Variants in UBE2E2 observed in about 807,000 individuals in gnomAD.
UBE2E2 encodes the protein ubiquitin-conjugating enzyme E2 E2.
Under a neutral mutation model 24.7 loss-of-function variants are expected in UBE2E2, and 6 were observed. The ratio of observed to expected loss-of-function variants is 0.24; its 90% CI spans 0.13 to 0.48. UBE2E2 has a LOEUF of 0.48. Among genes scored for constraint, UBE2E2 ranks in the 20% least tolerant of loss-of-function variants. UBE2E2 has a pLI of 0.99. For missense variants in UBE2E2, 169 were observed against 245.0 expected, an observed-to-expected ratio of 0.69 and a Z score of 2.07; for synonymous variants, 104 against 83.6, an observed-to-expected ratio of 1.24 and a Z score of -1.33.
chr3:23,375,856 T>C (rs989992109), intron 3 of UBE2E2, among the ~76,000 whole-genome samples: 1 of 152,182 alleles, frequency 6.6e-6, no homozygotes, highest in African/African-American at 2.4e-5. Flanking sequence ...TCTTTCCTTC[T>C]GTACTGTAGA....
At chr3:23,365,508 G>A (rs555131058) in intron 3 of UBE2E2, among the ~76,000 whole-genome samples, 39 of 152,154 alleles carry the variant, frequency 2.6e-4, no homozygotes, top group African/African-American at 7.2e-4. Flanking sequence ...GAACACAATC[G>A]CATTCACAAT....
intron 3 of UBE2E2, among the ~76,000 whole-genome samples, chr3:23,434,084 G>T (rs536247169): frequency 6.6e-6 from 1 of 152,170 alleles, no homozygotes; most frequent in South Asian, 2.1e-4. Context: ...GCAGAATACT[G>T]CTGCTATTTG....
chr3:23,485,023 T>G (rs1559398600), intron 3 of UBE2E2, among the ~76,000 whole-genome samples: 1 of 151,734 alleles, frequency 6.6e-6, no homozygotes, highest in Non-Finnish European at 1.5e-5. Flanking sequence ...AGTATTTTAG[T>G]CCTGTGGGAG....
Position 23,400,028 on chromosome 3 carries a change from A to G in UBE2E2, c.228-99580A>G, listed in dbSNP as rs1031373060. Among the ~76,000 whole-genome samples the G allele has an allele frequency of 4.6e-5, 7 of 152,254 alleles. 1 individual carries two copies. The highest frequency in any genetic ancestry group is 6.5e-5 in the Admixed American group (1 of 15,290). On this transcript the variant is annotated intron_variant, in intron 3 of 5. Transcript: ENST00000396703. ...CTTTAGAGCATGAAAAAAGCAAACT[A>G]TCTCTATGTGAACTATTACTACTCC...
intron 2 of UBE2E2, among the ~76,000 whole-genome samples, chr3:23,209,400 A>C (rs1247568704): frequency 6.6e-6 from 1 of 152,150 alleles, no homozygotes; most frequent in Non-Finnish European, 1.5e-5. Context: ...ATGGATCTGG[A>C]AAGTAGGTAT....
chr3:23,203,700 T>A (rs1289121300), intron 1 of UBE2E2, among the ~76,000 whole-genome samples: 1 of 115,552 alleles, frequency 8.7e-6, no homozygotes, highest in Non-Finnish European at 1.7e-5. Flanking sequence ...CCCCCCCTTC[T>A]GCCTCTTCTC....
At chr3:23,468,827 G>A (rs1698975788) in intron 3 of UBE2E2, among the ~76,000 whole-genome samples, 3 of 152,104 alleles carry the variant, frequency 2.0e-5, no homozygotes, top group Admixed American at 6.5e-5. Context: ...TAAATTTAGC[G>A]TGACAAAATC....
chr3:23,570,192 G>A (rs1045628321), intron 5 of UBE2E2, among the ~76,000 whole-genome samples: 2 of 152,156 alleles, frequency 1.3e-5, no homozygotes, highest in Non-Finnish European at 2.9e-5. Context: ...TGCGGGTGAG[G>A]GATAGGTAAT....
chr3:23,216,272 T>C (rs563737063), intron 2 of UBE2E2, among the ~76,000 whole-genome samples: 14 of 152,198 alleles, frequency 9.2e-5, no homozygotes, highest in Non-Finnish European at 1.9e-4. Flanking sequence ...CCAATTCTAT[T>C]GGAGGGATCC....
chr3:23,362,255 C>A (rs939526352), intron 3 of UBE2E2, among the ~76,000 whole-genome samples: 4 of 152,092 alleles, frequency 2.6e-5, no homozygotes, highest in African/African-American at 9.7e-5. Context: ...CAGTGTGGAG[C>A]CAGGAGAACC....
At chr3:23,270,418 T>G (rs1190925105) in intron 3 of UBE2E2, among the ~76,000 whole-genome samples, 8 of 152,262 alleles carry the variant, frequency 5.3e-5, no homozygotes, top group Admixed American at 3.9e-4. Flanking sequence ...CCCACGGGCC[T>G]GGGTTATTCT....
At chr3:23,467,873 C>A (rs1186979243) in intron 3 of UBE2E2, among the ~76,000 whole-genome samples, 2 of 152,264 alleles carry the variant, frequency 1.3e-5, no homozygotes, top group East Asian at 1.9e-4. Flanking sequence ...GGAGGCACAT[C>A]TTCACATGGC....
Position 23,332,674 on chromosome 3 carries a change from GGTGTGTGT to G in UBE2E2, c.227+115400_227+115407del, listed in dbSNP as rs3086989. On this transcript the variant is annotated intron_variant, in intron 3 of 5. Coordinates refer to ENST00000396703, the MANE Select transcript of UBE2E2 (RefSeq NM_152653.4). ...CTTTGAGCTTCCTGGCAGCCAGTGG[GGTGTGTGT>G]GTGTGTGTGTGTGTGTGTGTGTGTG... Among the ~76,000 whole-genome samples, 634 of 108,116 alleles carry G rather than the reference GGTGTGTGT, an allele frequency of 5.9e-3. 6 individuals are homozygous for G. Among genetic ancestry groups the G allele is most frequent in the Admixed American group, 1.0e-2 (91 of 9,136 alleles). 70.9% of individuals were successfully genotyped at this position (108,116 alleles called of 152,430 possible).
At chr3:23,479,671 G>C (rs1252556147) in intron 3 of UBE2E2, among the ~76,000 whole-genome samples, 1 of 152,202 alleles carries the variant, frequency 6.6e-6, no homozygotes, top group African/African-American at 2.4e-5. Flanking sequence ...AAGGTGGAAA[G>C]GAGCTTCACT....
intron 3 of UBE2E2, among the ~76,000 whole-genome samples, chr3:23,478,960 A>G (rs561482652): frequency 2.0e-5 from 3 of 152,032 alleles, no homozygotes; most frequent in South Asian, 2.1e-4. Context: ...CAAGAGGTTG[A>G]GGTGGGAGGA....
intron 5 of UBE2E2, among the ~76,000 whole-genome samples, chr3:23,546,392 C>A (rs905300570): frequency 6.6e-6 from 1 of 151,498 alleles, no homozygotes; most frequent in African/African-American, 2.4e-5. Flanking sequence ...GAACTATTTG[C>A]CCAAGAAATG....
intron 3 of UBE2E2, among the ~76,000 whole-genome samples, chr3:23,449,066 A>G (rs1698496110): frequency 1.3e-5 from 2 of 152,192 alleles, no homozygotes; most frequent in Non-Finnish European, 1.5e-5. Context: ...ATGGCATGCC[A>G]TTGTAAGTAT....
chr3:23,376,676 G>A (rs886260590), intron 3 of UBE2E2, among the ~76,000 whole-genome samples: 1 of 152,248 alleles, frequency 6.6e-6, no homozygotes, highest in Non-Finnish European at 1.5e-5. Flanking sequence ...GGTGGTGCCA[G>A]TAGTGGCAGG....
intron 5 of UBE2E2, among the ~76,000 whole-genome samples, chr3:23,584,365 CT>C (rs1380805533): frequency 6.6e-6 from 1 of 151,872 alleles, no homozygotes; most frequent in Non-Finnish European, 1.5e-5. Context: ...CCCTTTTAGT[CT>C]TGTTCCCTGT....
Sources: allele counts gnomAD v4.1 joint callset (sites outside exome capture counted in the v4.1 genomes callset), GRCh38; gene constraint gnomAD v4.1.1; transcripts MANE v1.5; gene names NCBI Gene and HGNC (gene_info 2026-07-23, HGNC 2026-07-21).